The following CAST variants were observed in gnomAD, a reference collection of about 807,000 sequenced individuals.
CAST encodes the protein MIR583 host.
CAST carries 76 observed loss-of-function variants against 119.6 expected under a neutral mutation model. The observed-to-expected ratio is 0.64, with a 90% CI of 0.53 to 0.77. The LOEUF is 0.77. Among genes scored for constraint, CAST ranks in the 30% least tolerant of loss-of-function variants. The pLI, the probability that CAST is intolerant of heterozygous loss-of-function variation, is 0.00. For missense variants in CAST, 953 were observed against 946.5 expected, an observed-to-expected ratio of 1.01 and a Z score of -0.09; for synonymous variants, 319 against 331.6, an observed-to-expected ratio of 0.96 and a Z score of 0.41.
chr5:95,975,983 CTTGTA>C, the CAST span, among the ~76,000 whole-genome samples: 1 of 152,064 alleles, frequency 6.6e-6, no homozygotes, highest in Admixed American at 6.6e-5. Context: ...GAAATTGTTG[CTTGTA>C]ATCTTCAAGG....
chr5:96,650,261 G>A (rs1241914601), intron 1 of CAST, among the ~76,000 whole-genome samples: 1 of 152,148 alleles, frequency 6.6e-6, no homozygotes, highest in Non-Finnish European at 1.5e-5. Flanking sequence ...AAGCATAGAA[G>A]AATAATTAGG....
chr5:96,054,564 CTG>C, the CAST span, among the ~76,000 whole-genome samples: 1 of 152,106 alleles, frequency 6.6e-6, no homozygotes, highest in African/African-American at 2.4e-5. Flanking sequence ...GCTTTTAATT[CTG>C]TGTCAGTGAT....
chr5:96,613,830 T>G (rs1747406763), intron 1 of CAST, among the ~76,000 whole-genome samples: 1 of 152,220 alleles, frequency 6.6e-6, no homozygotes, highest in Non-Finnish European at 1.5e-5. Context: ...AGGTCTGGGG[T>G]GGAGCCTGCA....
At chr5:96,680,354 C>CAAAAAAAA (rs71617135) in intron 2 of CAST, among the ~76,000 whole-genome samples, 15 of 29,260 alleles carry the variant, frequency 5.1e-4, no homozygotes, top group African/African-American at 1.2e-3. Flanking sequence ...GACTCTGTCT[C>CAAAAAAAA]AAAAAAAAAA....
chr5:96,503,836 C>A, the CAST span, among the ~76,000 whole-genome samples: 1 of 152,202 alleles, frequency 6.6e-6, no homozygotes, highest in East Asian at 1.9e-4. Flanking sequence ...GGCCTGCACC[C>A]CACCTTTCAT....
the CAST span, among the ~76,000 whole-genome samples, chr5:95,985,281 T>C: frequency 6.6e-6 from 1 of 152,114 alleles, no homozygotes; most frequent in East Asian, 1.9e-4. Flanking sequence ...GCCACTGTAC[T>C]CCAGCCTGGG....
chr5:96,457,069 A>C, the CAST span, among the ~76,000 whole-genome samples: 1 of 152,148 alleles, frequency 6.6e-6, no homozygotes, highest in Non-Finnish European at 1.5e-5. Flanking sequence ...TGTCTTTATT[A>C]GCAGCGTGAG....
At chr5:96,268,612 A>G in the CAST span, among the ~76,000 whole-genome samples, 3 of 152,120 alleles carry the variant, frequency 2.0e-5, no homozygotes, top group East Asian at 1.9e-4. Flanking sequence ...ATAAAAATAA[A>G]TCAAAAATAA....
the CAST span, among the ~76,000 whole-genome samples, chr5:96,482,921 A>G: frequency 6.6e-6 from 1 of 152,214 alleles, no homozygotes; most frequent in South Asian, 2.1e-4. Flanking sequence ...CATGGGTTCA[A>G]TTCCTTCACC....
the CAST span, among the ~76,000 whole-genome samples, chr5:96,273,214 A>T: frequency 1.3e-5 from 2 of 152,182 alleles, no homozygotes. Flanking sequence ...TGTTTAAGAT[A>T]ACTTTTCTAT....
At chr5:96,648,717 C>CGTGTGTGTGTGTGTGTGTGTGTGTGT (rs72068689) in intron 1 of CAST, among the ~76,000 whole-genome samples, 5 of 148,810 alleles carry the variant, frequency 3.4e-5, no homozygotes, top group African/African-American at 1.2e-4. Context: ...TATATATATG[C>CGTGTGTGTGTGTGTGTGTGTGTGTGT]GTGTGTGTGT....
At chr5:96,662,706 G>T (rs955922939) in intron 1 of CAST, among the ~76,000 whole-genome samples, 1 of 149,536 alleles carries the variant, frequency 6.7e-6, no homozygotes, top group African/African-American at 2.5e-5. Flanking sequence ...TGCGCTGGGC[G>T]TGGCGTTGGC....
chr5:96,738,366 A>T (rs1276973210), intron 11 of CAST, among the ~76,000 whole-genome samples: 2 of 152,120 alleles, frequency 1.3e-5, no homozygotes, highest in Non-Finnish European at 2.9e-5. Context: ...TAGAAACAGG[A>T]TGATGTCAGT....
chr5:96,500,064 CAT>C, the CAST span, among the ~76,000 whole-genome samples: 1 of 152,118 alleles, frequency 6.6e-6, no homozygotes, highest in Non-Finnish European at 1.5e-5. Flanking sequence ...TTCGCCGCCT[CAT>C]ATGGGAGCAG....
the CAST span, among the ~76,000 whole-genome samples, chr5:96,489,205 G>A: frequency 5.8e-5 from 7 of 121,000 alleles, no homozygotes; most frequent in East Asian, 9.1e-4. Flanking sequence ...GTTTTTTGAC[G>A]TGTAGATTTA....
intron 1 of CAST, among the ~76,000 whole-genome samples, chr5:96,560,577 T>G (rs1399002499): frequency 6.6e-6 from 1 of 152,246 alleles, no homozygotes; most frequent in Admixed American, 6.5e-5. Context: ...AAGACATTTA[T>G]GCAGCCAAAA....
At chr5:96,173,378 A>T in the CAST span, among the ~76,000 whole-genome samples, 4 of 152,378 alleles carry the variant, frequency 2.6e-5, no homozygotes, top group South Asian at 2.1e-4. Flanking sequence ...TTGTACTCTG[A>T]CATATAATGT....
At chr5:96,259,201 C>T in the CAST span, among the ~76,000 whole-genome samples, 1 of 152,116 alleles carries the variant, frequency 6.6e-6, no homozygotes, top group Non-Finnish European at 1.5e-5. Flanking sequence ...ATACAGCATA[C>T]ATTTATGAGA....
the CAST span, among the ~76,000 whole-genome samples, chr5:96,434,397 T>G: frequency 6.6e-6 from 1 of 152,222 alleles, no homozygotes; most frequent in Non-Finnish European, 1.5e-5. Flanking sequence ...TCCACCCTTC[T>G]GCAGCTGGCC....
Sources: gnomAD v4.1 joint callset for allele counts (sites outside exome capture counted in the v4.1 genomes callset) on GRCh38, gnomAD v4.1.1 for gene constraint, MANE v1.5 for transcripts, NCBI Gene and HGNC (gene_info 2026-07-23, HGNC 2026-07-21) for gene names.